The following DNAH8 variants were observed in gnomAD, a reference collection of about 807,000 sequenced individuals.
DNAH8 encodes dynein axonemal heavy chain 8.
DNAH8 carries 382 observed loss-of-function variants against 562.1 expected under a neutral mutation model. The observed-to-expected ratio is 0.68, with a 90% CI of 0.63 to 0.74. The LOEUF is 0.74. Among genes scored for constraint, DNAH8 ranks in the 30% least tolerant of loss-of-function variants. DNAH8 has a pLI of 0.00. For missense variants in DNAH8, 5,203 were observed against 5,620.4 expected (o/e 0.93, Z 2.37); for synonymous variants, 1,881 against 1,919.4 (o/e 0.98, Z 0.52).
In DNAH8 at chr6:38,828,845, C is replaced by T. The variant is rs182892038; in HGVS notation, c.4188+557C>T. On this transcript the variant is annotated intron_variant, in intron 30 of 92. Coordinates refer to ENST00000327475, the MANE Select transcript of DNAH8 (RefSeq NM_001206927.2). ...TCATTGTCTAATTTTAAAACATTAT[C>T]ACCCCACAAAGGAAACCCCGTGCCC... Among the ~76,000 whole-genome samples, 780 of 152,258 alleles carry T rather than the reference C, an allele frequency of 5.1e-3. 7 individuals are homozygous for T. The highest frequency in any genetic ancestry group is 0.018 in the African/African-American group (756 of 41,526).
chr6:38,915,023 G>T (rs142667100), intron 67 of DNAH8, among the ~76,000 whole-genome samples, 178 bp from the exon 68 acceptor site: 1 of 151,972 alleles, frequency 6.6e-6, no homozygotes, highest in African/African-American at 2.4e-5. Context: ...GGAAGACTGC[G>T]AGGAACTGCT....
rs1229867735 is a variant in DNAH8, at chr6:38,716,028, G to T, written c.-35+613G>T. 3.6e-5 allele frequency among the ~76,000 whole-genome samples: 5 copies of T among 137,670 alleles called. No individual in the cohort carries two copies. The East Asian group carries it at 6.5e-4, about 18-fold the overall frequency. The allele number at this position is 137,670 out of a possible 152,430, so 90.3% of individuals were successfully genotyped here. ...GGCTGGAGTGCAGTGGTGCGATCTC[G>T]GCTCACTGCAATTTCTGCCTCCCTG... On this transcript the variant is annotated intron_variant, in intron 1 of 92. Transcript: ENST00000327475.
At position 38,898,367 on chromosome 6, in the gene DNAH8, C is replaced by T. The variant is rs776762950; in HGVS notation, c.9050C>T (p.Thr3017Ile). 5.7e-6 allele frequency: 9 copies of T among 1,574,624 alleles called. No individual in the cohort carries two copies. In the Middle Eastern group the frequency reaches 6.7e-4, roughly 118 times the overall value. ...LDLVFFKDAMTHLIKISRIIR... is the reference protein window; with the variant it reads ...LDLVFFKDAMIHLIKISRIIR... ...CTGGTGTTTTTTAAAGATGCAATGA[C>T]TCATCTTATTAAGGTCCTAACTATT... The change falls in exon 61 of 93, where the codon ACT becomes ATT. Residue 3017 changes from threonine (T) to isoleucine (I), a missense_variant. Coordinates refer to ENST00000327475, the MANE Select transcript of DNAH8 (RefSeq NM_001206927.2).
intron 11 of DNAH8, among the ~76,000 whole-genome samples, chr6:38,767,245 T>C (rs1349950377): frequency 6.6e-6 from 1 of 152,206 alleles, no homozygotes; most frequent in East Asian, 1.9e-4. Flanking sequence ...AAGACCAGCC[T>C]GGCCAACATG....
intron 73 of DNAH8, among the ~76,000 whole-genome samples, chr6:38,924,554 G>A (rs1043814278): frequency 2.0e-5 from 3 of 152,072 alleles, no homozygotes. Context: ...CTTTAACTGG[G>A]AAGATTGTTT....
At chr6:38,790,909 A>G (rs1171296377) in intron 20 of DNAH8, among the ~76,000 whole-genome samples, 1 of 152,112 alleles carries the variant, frequency 6.6e-6, no homozygotes, top group Non-Finnish European at 1.5e-5. Context: ...TTATCCCTGA[A>G]TTACCTTGCA....
At position 38,822,944 on chromosome 6, in the gene DNAH8, A is replaced by G; in HGVS notation, c.3630A>G (p.Val1210=). ...SKLVLLLSSS[V]NSLRKAAHEA... is the part of the protein sequence containing the mutation. ...TGGTCCTGCTCCTTTCTTCCTCTGT[A>G]AATTCCCTAAGAAAGGCAGCTCATG... is the stretch of plus-strand genomic sequence containing the variant. The change falls in exon 27 of 93, where the codon GTA becomes GTG. Residue 1210 remains valine, a synonymous_variant. Transcript: ENST00000327475. The G allele has an allele frequency of 6.2e-7, 1 of 1,613,788 alleles. No individual in the cohort carries two copies. Among genetic ancestry groups the G allele is most frequent in the Non-Finnish European group, 8.5e-7 (1 of 1,179,864 alleles).
Position 38,763,272 on chromosome 6 carries a change from T to G in DNAH8, c.1617+1469T>G, listed in dbSNP as rs969676014. ...CCCACTATTCGAAAATAATTCCAGA[T>G]GGTCCAAAAAAAGTTTCTAAACCTG... On this transcript the variant is annotated intron_variant, in intron 11 of 92. Coordinates refer to ENST00000327475, the MANE Select transcript of DNAH8 (RefSeq NM_001206927.2). The G allele has an allele frequency of 8.1e-6, 2 of 247,884 alleles. 1 individual carries two copies. Among genetic ancestry groups the G allele is most frequent in the Non-Finnish European group, 1.6e-5 (2 of 126,284 alleles). 15.4% of individuals were successfully genotyped at this position (247,884 alleles called of 1,614,324 possible). A position where few individuals can be genotyped will look rare whatever the true frequency, so the allele number is the denominator to read the frequency against.
At chr6:38,893,821 G>T (rs377209590) in intron 58 of DNAH8, among the ~76,000 whole-genome samples, 3 of 152,154 alleles carry the variant, frequency 2.0e-5, no homozygotes, top group African/African-American at 7.2e-5. Flanking sequence ...TGAAATAGGC[G>T]TATGGGGTGT....
chr6:38,738,116 G>T, intron 7 of DNAH8, 144 bp downstream of exon 7: 1 of 682,114 alleles, frequency 1.5e-6, no homozygotes, highest in South Asian at 2.4e-5. Context: ...CAATTTTTGG[G>T]TCTAGAGCAA....
intron 33 of DNAH8, among the ~76,000 whole-genome samples, chr6:38,839,320 T>TTTAGAGAATGGTGAGAA (rs72418400): frequency 0.21 from 31,744 of 151,300 alleles, 4,170 homozygotes; most frequent in African/African-American, 0.36. Flanking sequence ...TATGAATAAT[T>TTTAGAGAATGGTGAGAA]TTAGAGAATG....
At position 38,949,468 on chromosome 6, in the gene DNAH8, A is replaced by G; in HGVS notation, c.12146A>G (p.Lys4049Arg). 6.2e-7 allele frequency: 1 copy of G among 1,610,576 alleles called. No individual in the cohort carries two copies. The highest frequency in any genetic ancestry group is 8.5e-7 in the Non-Finnish European group (1 of 1,176,850). ...TTCTTTTAGATATCTCGTAATGAGAAGGGGTGGAAAAGCTGGTTTGATAAA... is the reference window on the plus strand; with the variant it reads ...TTCTTTTAGATATCTCGTAATGAGAGGGGGTGGAAAAGCTGGTTTGATAAA... ...EIMNQISRNE[K>R]GWKSWFDKDA... is the part of the protein sequence containing the mutation. Residue 4049 changes from lysine (K) to arginine (R), a missense_variant, in exon 81 of 93, where the codon AAG becomes AGG. Physicochemically the swap from Lys to Arg is conservative, Grantham distance 26. Around this residue, in one of 6 missense-constraint regions of DNAH8, gnomAD observed 1,399 missense variants for 1,518.4 expected, o/e 0.92. Coordinates refer to ENST00000327475, the MANE Select transcript of DNAH8 (RefSeq NM_001206927.2).
rs947056534 is a variant in DNAH8, at chr6:38,926,700, A to T, written c.11118+490A>T. On this transcript the variant is annotated intron_variant, in intron 74 of 92. Coordinates refer to ENST00000327475, the MANE Select transcript of DNAH8 (RefSeq NM_001206927.2). ...GGATTCTGTTACTATTGATATTTTA[A>T]TTCAACTACCAATGTGGGATATTCA... 2.6e-5 allele frequency among the ~76,000 whole-genome samples: 4 copies of T among 152,146 alleles called. No individual in the cohort carries two copies. The East Asian group carries it at 7.7e-4, about 29-fold the overall frequency.
intron 35 of DNAH8, among the ~76,000 whole-genome samples, chr6:38,844,570 T>C (rs1320570020): frequency 6.6e-6 from 1 of 152,234 alleles, no homozygotes; most frequent in Non-Finnish European, 1.5e-5. Context: ...AAGTAGGTTT[T>C]TATACTTAAT....
chr6:38,890,480 C>G (rs546739173), intron 57 of DNAH8, among the ~76,000 whole-genome samples, 172 bp from the exon 58 acceptor site: 6 of 152,144 alleles, frequency 3.9e-5, no homozygotes, highest in Non-Finnish European at 8.8e-5. Flanking sequence ...CTTATCACTG[C>G]GTACTAAGCT....
chr6:38,839,879 CT>C, intron 33 of DNAH8, among the ~76,000 whole-genome samples: 1 of 152,156 alleles, frequency 6.6e-6, no homozygotes, highest in Non-Finnish European at 1.5e-5. Context: ...TCAGGCTGGT[CT>C]CAAACTCCTG....
intron 3 of DNAH8, 106 bp downstream of exon 3, chr6:38,723,577 A>G: frequency 4.3e-6 from 6 of 1,410,074 alleles, no homozygotes; most frequent in East Asian, 4.7e-5. Context: ...AAAATCATTC[A>G]GAAAGACAAA....
intron 12 of DNAH8, among the ~76,000 whole-genome samples, chr6:38,774,826 G>A (rs965374567): frequency 9.2e-5 from 14 of 152,326 alleles, no homozygotes; most frequent in East Asian, 3.9e-4. Context: ...TAGAGCATGC[G>A]CAGCATGCTG....
intron 62 of DNAH8, among the ~76,000 whole-genome samples, chr6:38,903,105 A>G (rs376539121): frequency 2.4e-4 from 36 of 152,286 alleles, no homozygotes; most frequent in African/African-American, 7.9e-4. Flanking sequence ...CTTAGGAGCA[A>G]TAGGCCATTC....
Sources: gnomAD v4.1 joint callset for allele counts (sites outside exome capture counted in the v4.1 genomes callset) on GRCh38, gnomAD v4.1.1 for gene constraint, gnomAD v4.1.1 regional missense constraint, MANE v1.5 for transcripts, NCBI Gene and HGNC (gene_info 2026-07-23, HGNC 2026-07-21) for gene names.